The following S100A8 variants were observed in gnomAD, a reference collection of about 807,000 sequenced individuals.
S100A8 encodes the protein protein S100-A8.
In S100A8, 1 loss-of-function variant was observed where a neutral mutation model predicts 4.2. That is an observed-to-expected ratio of 0.24 (90% CI 0.08 to 1.12). The LOEUF is 1.12. S100A8 is among the 50% of genes most tolerant of loss of function. S100A8 has a pLI of 0.53. For missense variants in S100A8, 96 were observed against 111.8 expected (o/e 0.86, Z 0.64); for synonymous variants, 41 against 44.7 (o/e 0.92, Z 0.33).
At chr1:153,403,846 G>A in the S100A8 span, among the ~76,000 whole-genome samples, 11 of 152,036 alleles carry the variant, frequency 7.2e-5, no homozygotes, top group South Asian at 2.1e-4. Flanking sequence ...TCGGGGTATC[G>A]TGCAATTCCG....
upstream of S100A8, among the ~76,000 whole-genome samples, chr1:153,391,524 C>T (rs1192510164): frequency 6.6e-6 from 1 of 152,174 alleles, no homozygotes; most frequent in Non-Finnish European, 1.5e-5. Context: ...GGTCCAAAGA[C>T]CGCAAAAGGG....
chr1:153,405,980 T>G, the S100A8 span, among the ~76,000 whole-genome samples: 1 of 152,170 alleles, frequency 6.6e-6, no homozygotes, highest in African/African-American at 2.4e-5. Flanking sequence ...GAGATGCAGC[T>G]GGCCAGCACC....
At chr1:153,420,231 G>A in the S100A8 span, 2 of 152,358 alleles carry the variant, frequency 1.3e-5, no homozygotes, top group Admixed American at 1.3e-4. Context: ...CTCCAGGCCA[G>A]GCAGTGTGTT....
At chr1:153,404,230 G>T in the S100A8 span, among the ~76,000 whole-genome samples, 2 of 152,028 alleles carry the variant, frequency 1.3e-5, no homozygotes, top group African/African-American at 4.8e-5. Context: ...GAACCCCATC[G>T]TTTGGGGTTT....
At chr1:153,401,427 C>G in the S100A8 span, among the ~76,000 whole-genome samples, 1 of 152,268 alleles carries the variant, frequency 6.6e-6, no homozygotes, top group East Asian at 1.9e-4. Context: ...GCCAAAACTT[C>G]AGGTTACTGT....
chr1:153,418,493 G>A, the S100A8 span, among the ~76,000 whole-genome samples: 92 of 152,118 alleles, frequency 6.0e-4, 1 homozygote, highest in South Asian at 6.4e-3. Flanking sequence ...CCCTCCCAGC[G>A]CTCACTGACC....
the S100A8 span, among the ~76,000 whole-genome samples, chr1:153,414,097 G>A: frequency 6.6e-6 from 1 of 151,728 alleles, no homozygotes; most frequent in Non-Finnish European, 1.5e-5. Flanking sequence ...TATAAACAGT[G>A]ATGATATGTA....
the S100A8 span, among the ~76,000 whole-genome samples, chr1:153,416,058 A>G: frequency 1.3e-5 from 2 of 152,210 alleles, no homozygotes; most frequent in African/African-American, 4.8e-5. Flanking sequence ...AGGGTTGAGG[A>G]GGATGCAAGA....
chr1:153,408,178 G>A, the S100A8 span, among the ~76,000 whole-genome samples: 6 of 152,156 alleles, frequency 3.9e-5, no homozygotes, highest in Non-Finnish European at 5.9e-5. Flanking sequence ...AAACTTCTCC[G>A]AGCTAAAGGA....
chr1:153,416,862 C>T, the S100A8 span, among the ~76,000 whole-genome samples: 3 of 152,238 alleles, frequency 2.0e-5, no homozygotes, highest in African/African-American at 7.2e-5. Flanking sequence ...CTTCTTCCTC[C>T]CTGGATTCAT....
At chr1:153,396,220 G>A in the S100A8 span, among the ~76,000 whole-genome samples, 1 of 147,888 alleles carries the variant, frequency 6.8e-6, no homozygotes, top group Non-Finnish European at 1.5e-5. Flanking sequence ...GATAGGAGCT[G>A]TGTCTCCCCC....
the S100A8 span, among the ~76,000 whole-genome samples, chr1:153,418,621 G>T: frequency 2.0e-5 from 3 of 152,082 alleles, no homozygotes; most frequent in African/African-American, 7.2e-5. Context: ...GAAATCAATA[G>T]CCCTCTTTGC....
intron 2 of S100A8, 68 bp from the exon 3 acceptor site, chr1:153,390,311 A>G (rs1321318168): frequency 2.7e-5 from 44 of 1,602,592 alleles, no homozygotes; most frequent in Admixed American, 1.7e-4. Context: ...ATAGCCATCT[A>G]TGAAGGGTGG....
At chr1:153,414,879 G>T in the S100A8 span, among the ~76,000 whole-genome samples, 2 of 152,074 alleles carry the variant, frequency 1.3e-5, no homozygotes, top group East Asian at 1.9e-4. Flanking sequence ...TAAATAACAC[G>T]CATTGTACCC....
At chr1:153,411,741 G>C in the S100A8 span, among the ~76,000 whole-genome samples, 3 of 152,142 alleles carry the variant, frequency 2.0e-5, no homozygotes, top group African/African-American at 7.2e-5. Context: ...ATACTACAAG[G>C]CTACAGTAAT....
chr1:153,399,755 G>C, the S100A8 span, among the ~76,000 whole-genome samples: 14 of 152,144 alleles, frequency 9.2e-5, no homozygotes, highest in Admixed American at 8.5e-4. Context: ...TGGGGAGTTG[G>C]GGGGGACTTC....
At chr1:153,420,329 T>A in the S100A8 span, 1 of 152,190 alleles carries the variant, frequency 6.6e-6, no homozygotes, top group Non-Finnish European at 1.5e-5. Flanking sequence ...CAACACAGGG[T>A]CAGTGTTCAC....
chr1:153,391,314 T>G, upstream of S100A8: 1 of 476,036 alleles, frequency 2.1e-6, no homozygotes, highest in Non-Finnish European at 2.7e-6. Flanking sequence ...AGGGGGGCTC[T>G]TTTTCTGGGC....
the S100A8 span, among the ~76,000 whole-genome samples, chr1:153,411,028 A>C: frequency 1.3e-5 from 2 of 152,166 alleles, no homozygotes; most frequent in African/African-American, 4.8e-5. Context: ...GTATCATACT[A>C]AATGGGCAAA....
Sources: gnomAD v4.1 joint callset for allele counts (sites outside exome capture counted in the v4.1 genomes callset) on GRCh38, gnomAD v4.1.1 for gene constraint, MANE v1.5 for transcripts, NCBI Gene and HGNC (gene_info 2026-07-23, HGNC 2026-07-21) for gene names.